TYW1B: variants seen among roughly 807,000 people sequenced by gnomAD.
The protein encoded by TYW1B is S-adenosyl-L-methionine-dependent tRNA 4-demethylwyosine synthase TYW1B.
In TYW1B, 73 loss-of-function variants were observed where a neutral mutation model predicts 86.9. The ratio of observed to expected loss-of-function variants is 0.84; its 90% CI spans 0.70 to 1.02. The LOEUF is 1.02. Ranked by LOEUF, TYW1B falls within the 50% of genes least tolerant of loss-of-function variation. The probability of loss-of-function intolerance (pLI) is 0.00; values close to 1 mark genes in which losing one functional copy is unlikely to be tolerated. For missense variants in TYW1B, 637 were observed against 827.4 expected, an observed-to-expected ratio of 0.77 and a Z score of 2.82; for synonymous variants, 248 against 292.8, an observed-to-expected ratio of 0.85 and a Z score of 1.56.
chr7:72,661,060 A>G (rs868971326), intron 11 of TYW1B, among the ~76,000 whole-genome samples: 162 of 150,446 alleles, frequency 1.1e-3, no homozygotes, highest in South Asian at 6.5e-3. Flanking sequence ...GCTTGAACCC[A>G]GGAGGCGGAG....
intron 2 of TYW1B, among the ~76,000 whole-genome samples, chr7:72,815,742 C>A (rs1353358504): frequency 1.3e-5 from 2 of 152,090 alleles, no homozygotes; most frequent in Non-Finnish European, 2.9e-5. Context: ...CCTTGCCCTA[C>A]TAGAATAAAC....
chr7:72,788,744 G>A (rs1241063401), intron 6 of TYW1B, among the ~76,000 whole-genome samples: 3 of 152,086 alleles, frequency 2.0e-5, no homozygotes, highest in Admixed American at 2.0e-4. Context: ...TGTTGGCCAG[G>A]TTGGTTTCAA....
At chr7:72,771,479 A>C (rs1257727856) in intron 7 of TYW1B, among the ~76,000 whole-genome samples, 2 of 152,220 alleles carry the variant, frequency 1.3e-5, no homozygotes, top group Admixed American at 1.3e-4. Flanking sequence ...AAATCTGTGC[A>C]TATTAAATGT....
intron 13 of TYW1B, among the ~76,000 whole-genome samples, chr7:72,592,488 C>A (rs1554431700): frequency 6.6e-6 from 1 of 152,074 alleles, no homozygotes; most frequent in African/African-American, 2.4e-5. Context: ...GAAAATGAGA[C>A]AAAAAAGCTG....
chr7:72,682,964 A>T (rs1407568452), intron 11 of TYW1B, among the ~76,000 whole-genome samples: 2 of 152,210 alleles, frequency 1.3e-5, no homozygotes, highest in Non-Finnish European at 2.9e-5. Context: ...GTGAATATAC[A>T]GGGGGAAATC....
chr7:72,581,390 T>A (rs1424950783), intron 13 of TYW1B, among the ~76,000 whole-genome samples: 1 of 152,110 alleles, frequency 6.6e-6, no homozygotes, highest in Non-Finnish European at 1.5e-5. Flanking sequence ...AAGGAAATGA[T>A]CCAGCAGATC....
chr7:72,626,218 A>C, intron 12 of TYW1B, among the ~76,000 whole-genome samples: 1 of 146,390 alleles, frequency 6.8e-6, no homozygotes, highest in African/African-American at 2.5e-5. Flanking sequence ...ATCTGTTCCC[A>C]CCTCCCCACC....
chr7:72,772,055 G>T (rs1440696907), intron 7 of TYW1B, among the ~76,000 whole-genome samples: 3 of 151,546 alleles, frequency 2.0e-5, no homozygotes, highest in African/African-American at 7.3e-5. Flanking sequence ...CACCATGTTG[G>T]CCAGGCTGGT....
intron 13 of TYW1B, among the ~76,000 whole-genome samples, chr7:72,589,807 C>T (rs537464135): frequency 1.3e-5 from 2 of 152,232 alleles, no homozygotes; most frequent in South Asian, 4.1e-4. Context: ...ACCCGGGAGG[C>T]GGAGGTTGCA....
At chr7:72,720,412 G>T (rs1786873596) in intron 9 of TYW1B, among the ~76,000 whole-genome samples, 1 of 152,122 alleles carries the variant, frequency 6.6e-6, no homozygotes, top group Non-Finnish European at 1.5e-5. Flanking sequence ...ATCCTTTCCA[G>T]AAAGCTACAA....
Position 72,574,615 on chromosome 7 carries a change from T to G in TYW1B, c.*883A>C, listed in dbSNP as rs1223639231. 2.5e-5 allele frequency: 25 copies of G among 985,320 alleles called. No homozygotes were observed. The highest frequency in any genetic ancestry group is 3.0e-5 in the Non-Finnish European group (25 of 829,940). 61.0% of individuals were successfully genotyped at this position (985,320 alleles called of 1,614,324 possible). ...TTTGAGTATTTATGATCTTTCCAAC[T>G]TGAAAACACCTGAACCTTATAGAAC... On this transcript the variant is annotated 3_prime_UTR_variant, in exon 14 of 14. Coordinates refer to ENST00000620995, the MANE Select transcript of TYW1B (RefSeq NM_001145440.3).
chr7:72,802,531 G>C lies in TYW1B; in HGVS notation c.724-9C>G, dbSNP rs1554476008. 6.2e-7 allele frequency: 1 copy of C among 1,613,674 alleles called. No individual in the cohort carries two copies. The highest frequency in any genetic ancestry group is 1.1e-5 in the South Asian group (1 of 91,034). ...TCGAAGGGTTCTTCCTCCTGGAAGA[G>C]AAATGCTTCAGAAATACATTGTTCA... On this transcript the variant is annotated splice_polypyrimidine_tract_variant and intron_variant, in intron 5 of 13. Coordinates refer to ENST00000620995, the MANE Select transcript of TYW1B (RefSeq NM_001145440.3).
chr7:72,804,140 C>A (rs782200482), intron 5 of TYW1B, among the ~76,000 whole-genome samples: 1 of 151,436 alleles, frequency 6.6e-6, no homozygotes, highest in Non-Finnish European at 1.5e-5. Flanking sequence ...CAAAAATTAA[C>A]CGGGCGTGGT....
At chr7:72,707,599 C>A (rs1251364542) in intron 10 of TYW1B, among the ~76,000 whole-genome samples, 1 of 152,170 alleles carries the variant, frequency 6.6e-6, no homozygotes, top group Non-Finnish European at 1.5e-5. Context: ...TCTGTTTTGA[C>A]AAACAAAAGC....
intron 8 of TYW1B, among the ~76,000 whole-genome samples, chr7:72,738,725 GTTTTGTT>G (rs1380315657): frequency 6.6e-6 from 1 of 152,034 alleles, no homozygotes; most frequent in Non-Finnish European, 1.5e-5. Flanking sequence ...TACTTTTAGT[GTTTTGTT>G]TTTTGTTTGT....
At chr7:72,607,853 A>C (rs1811841289) in intron 13 of TYW1B, among the ~76,000 whole-genome samples, 1 of 152,202 alleles carries the variant, frequency 6.6e-6, no homozygotes, top group African/African-American at 2.4e-5. Flanking sequence ...CAGGAAGCTG[A>C]GCATGCCTCC....
In TYW1B at chr7:72,616,706, T is replaced by C; in HGVS notation, c.1751A>G (p.Glu584Gly). The C allele has an allele frequency of 6.2e-7, 1 of 1,614,184 alleles. No individual in the cohort carries two copies. Among genetic ancestry groups the C allele is most frequent in the Non-Finnish European group, 8.5e-7 (1 of 1,180,012 alleles). The change falls in exon 13 of 14, where the codon GAA becomes GGA. Residue 584 changes from glutamate (E) to glycine (G), a missense_variant. Physicochemically the swap from Glu to Gly is moderately conservative, Grantham distance 98. Coordinates refer to ENST00000620995, the MANE Select transcript of TYW1B (RefSeq NM_001145440.3). ...IPEYEIACEHEHSNCLLIAHR... is the reference protein window; with the variant it reads ...IPEYEIACEHGHSNCLLIAHR... ...TGCTATCAGGAGGCAATTAGAGTGTTCGTGTTCACATGCAATTTCATATTC... is the reference window on the plus strand; with the variant it reads ...TGCTATCAGGAGGCAATTAGAGTGTCCGTGTTCACATGCAATTTCATATTC...
chr7:72,674,183 C>A (rs560290908), intron 11 of TYW1B, among the ~76,000 whole-genome samples: 1 of 152,278 alleles, frequency 6.6e-6, no homozygotes, highest in East Asian at 1.9e-4. Flanking sequence ...AGCCCATTCT[C>A]AGAAAGTCAC....
intron 6 of TYW1B, among the ~76,000 whole-genome samples, chr7:72,789,780 A>AT (rs1416082082): frequency 4.6e-5 from 7 of 151,016 alleles, no homozygotes; most frequent in East Asian, 3.9e-4. Context: ...CCAGCCTGGA[A>AT]TTTTTTTTTA....
Sources: allele counts gnomAD v4.1 joint callset (sites outside exome capture counted in the v4.1 genomes callset), GRCh38; gene constraint gnomAD v4.1.1; transcripts MANE v1.5; gene names NCBI Gene and HGNC (gene_info 2026-07-23, HGNC 2026-07-21).